Variants in GRIK2 observed in about 807,000 individuals in gnomAD.
GRIK2 encodes the protein glutamate receptor ionotropic, kainate 2.
Under a neutral mutation model 100.3 loss-of-function variants are expected in GRIK2, and 32 were observed. That is an observed-to-expected ratio of 0.32 (90% CI 0.24 to 0.43). The LOEUF is 0.43. Ranked by LOEUF, GRIK2 falls within the 20% of genes least tolerant of loss-of-function variation. The pLI is 1.00. For synonymous variants in GRIK2, 417 were observed against 389.4 expected (o/e 1.07, Z -0.83); for missense variants, 843 against 1,114.9 (o/e 0.76, Z 3.47).
At chr6:101,956,444 C>T (rs1040590956) in intron 14 of GRIK2, among the ~76,000 whole-genome samples, 1 of 151,842 alleles carries the variant, frequency 6.6e-6, no homozygotes, top group Non-Finnish European at 1.5e-5. Flanking sequence ...GGATATATTG[C>T]GTAGTGGTGA....
intron 7 of GRIK2, among the ~76,000 whole-genome samples, chr6:101,790,243 A>G (rs867811140): frequency 0.021 from 3,092 of 148,706 alleles, 79 homozygotes; most frequent in African/African-American, 0.053. Context: ...CCAACACTAT[A>G]TTGAATAGGA....
At chr6:101,642,790 T>C (rs1360074159) in intron 4 of GRIK2, among the ~76,000 whole-genome samples, 11 of 151,700 alleles carry the variant, frequency 7.3e-5, no homozygotes, top group Admixed American at 7.2e-4. Flanking sequence ...ACTTCTCTGT[T>C]GAACTTTTTG....
intron 4 of GRIK2, among the ~76,000 whole-genome samples, chr6:101,653,049 T>C (rs1781879966): frequency 6.6e-6 from 1 of 152,116 alleles, no homozygotes; most frequent in South Asian, 2.1e-4. Context: ...TCTACACTTG[T>C]AGTTTTGCTA....
intron 11 of GRIK2, among the ~76,000 whole-genome samples, chr6:101,861,785 C>T (rs1784748710): frequency 1.3e-5 from 2 of 152,036 alleles, no homozygotes; most frequent in South Asian, 4.2e-4. Context: ...AAGCTCTTGA[C>T]CCCTAAAGTT....
intron 7 of GRIK2, among the ~76,000 whole-genome samples, chr6:101,785,596 C>T (rs1779370980): frequency 6.6e-6 from 1 of 151,952 alleles, no homozygotes; most frequent in South Asian, 2.1e-4. Context: ...GACGTATATT[C>T]TTGGCTCCTT....
intron 10 of GRIK2, among the ~76,000 whole-genome samples, chr6:101,827,848 C>A (rs1782438001): frequency 6.6e-6 from 1 of 151,948 alleles, no homozygotes; most frequent in South Asian, 2.1e-4. Context: ...GACTTCAACA[C>A]ACCACTGACA....
intron 2 of GRIK2, among the ~76,000 whole-genome samples, chr6:101,507,399 A>G (rs1183603123): frequency 6.6e-6 from 1 of 152,104 alleles, no homozygotes; most frequent in Non-Finnish European, 1.5e-5. Flanking sequence ...TTATTCATAC[A>G]TTAGAAATAT....
intron 2 of GRIK2, among the ~76,000 whole-genome samples, chr6:101,589,102 A>T (rs1006243980): frequency 3.3e-5 from 5 of 152,146 alleles, no homozygotes; most frequent in Admixed American, 6.6e-5. Flanking sequence ...TGGCTTGGAT[A>T]GTGGAGTGGA....
intron 7 of GRIK2, among the ~76,000 whole-genome samples, chr6:101,755,954 G>A (rs1304929084): frequency 6.6e-6 from 1 of 152,090 alleles, no homozygotes; most frequent in Non-Finnish European, 1.5e-5. Flanking sequence ...TAACTCCTGG[G>A]GGAAAATGTT....
intron 4 of GRIK2, among the ~76,000 whole-genome samples, chr6:101,659,191 A>G (rs1769417948): frequency 6.6e-6 from 1 of 152,198 alleles, no homozygotes; most frequent in Non-Finnish European, 1.5e-5. Flanking sequence ...AATTTTGTAT[A>G]AAGAATAAGG....
intron 11 of GRIK2, among the ~76,000 whole-genome samples, chr6:101,877,603 C>T (rs1025623679): frequency 1.3e-5 from 2 of 151,708 alleles, no homozygotes; most frequent in African/African-American, 2.4e-5. Flanking sequence ...TGTATATGTA[C>T]GTTAAAAATA....
chr6:101,770,072 A>G (rs1228169076), intron 7 of GRIK2, among the ~76,000 whole-genome samples: 6 of 152,160 alleles, frequency 3.9e-5, no homozygotes, highest in Non-Finnish European at 8.8e-5. Flanking sequence ...TTCTCTTTAC[A>G]GTGTTCTCTG....
rs770824504 is a variant in GRIK2, at chr6:101,603,914, A to AT, written c.116-18026dup. Among the ~76,000 whole-genome samples, 379 of 150,570 alleles carry AT rather than the reference A, an allele frequency of 2.5e-3. 4 individuals carry two copies. Among genetic ancestry groups the AT allele is most frequent in the Admixed American group, 0.016 (234 of 15,036 alleles). On this transcript the variant is annotated intron_variant, in intron 2 of 16. Transcript: ENST00000369134. ...TAAGAAAAAAGAATTATGTGCATGC[A>AT]TTTTTTTTTAAGGTTTACAACTGCA... is the stretch of plus-strand genomic sequence containing the variant.
chr6:101,599,769 A>G (rs138622831), intron 2 of GRIK2, among the ~76,000 whole-genome samples: 50 of 151,280 alleles, frequency 3.3e-4, no homozygotes, highest in African/African-American at 1.2e-3. Flanking sequence ...TGCTTGTTCA[A>G]TTGTTTAGGC....
intron 12 of GRIK2, among the ~76,000 whole-genome samples, chr6:101,907,851 TC>T (rs1476016143): frequency 6.6e-6 from 1 of 151,656 alleles, no homozygotes; most frequent in East Asian, 1.9e-4. Flanking sequence ...TTTTAGTTTT[TC>T]ACTTATTTCC....
intron 7 of GRIK2, among the ~76,000 whole-genome samples, chr6:101,713,067 A>T (rs1380499590): frequency 6.6e-6 from 1 of 151,814 alleles, no homozygotes; most frequent in Admixed American, 6.6e-5. Context: ...AAGAATAAAG[A>T]ATAAGAGAAT....
intron 2 of GRIK2, among the ~76,000 whole-genome samples, chr6:101,422,863 C>G (rs955546679): frequency 1.3e-5 from 2 of 152,170 alleles, no homozygotes; most frequent in Non-Finnish European, 2.9e-5. Flanking sequence ...GTGGACATCA[C>G]TTAGAACTCT....
chr6:101,794,946 A>C (rs1562393170), intron 7 of GRIK2, among the ~76,000 whole-genome samples: 3 of 151,572 alleles, frequency 2.0e-5, no homozygotes, highest in African/African-American at 4.9e-5. Context: ...GCTGACTGCA[A>C]CTTCTGCCTC....
intron 7 of GRIK2, among the ~76,000 whole-genome samples, chr6:101,778,055 A>G (rs1778859844): frequency 1.3e-5 from 2 of 152,210 alleles, no homozygotes; most frequent in Non-Finnish European, 2.9e-5. Context: ...ATTTATTGAA[A>G]AGTACTTTTA....
Sources: gnomAD v4.1 joint callset for allele counts (sites outside exome capture counted in the v4.1 genomes callset) on GRCh38, gnomAD v4.1.1 for gene constraint, MANE v1.5 for transcripts, NCBI Gene and HGNC (gene_info 2026-07-23, HGNC 2026-07-21) for gene names.